The following TRMT11 variants were observed in gnomAD, a reference collection of about 807,000 sequenced individuals.
The protein encoded by TRMT11 is tRNA (guanine(10)-N(2))-methyltransferase TRMT11.
In TRMT11, 53 loss-of-function variants were observed where a neutral mutation model predicts 62.8. The ratio of observed to expected loss-of-function variants is 0.84; its 90% CI spans 0.68 to 1.06. The LOEUF is 1.06. Among genes scored for constraint, TRMT11 ranks in the 50% least tolerant of loss-of-function variants. TRMT11 has a pLI of 0.00. For missense variants in TRMT11, 556 were observed against 553.4 expected, an observed-to-expected ratio of 1.00 and a Z score of -0.05; for synonymous variants, 188 against 190.3, an observed-to-expected ratio of 0.99 and a Z score of 0.10.
chr6:126,053,060 A>T (rs975852215), intron 16 of TRMT11, among the ~76,000 whole-genome samples: 12 of 151,702 alleles, frequency 7.9e-5, no homozygotes, highest in African/African-American at 2.9e-4. Context: ...TTGGAACCTA[A>T]GGCTAGACCT....
Position 126,013,119 on chromosome 6 carries a change from T to C in TRMT11, c.1139+18T>C, listed in dbSNP as rs1236016928. 4 of 1,585,034 alleles carry C rather than the reference T, an allele frequency of 2.5e-6. No individual in the cohort carries two copies. Among genetic ancestry groups the C allele is most frequent in the Non-Finnish European group, 3.4e-6 (4 of 1,169,056 alleles). ...ACGCCAGAGTATGTAATCTTAATTT[T>C]ATTTTTAATTTCATTTTTCTTACAA... On this transcript the variant is annotated intron_variant, in intron 11 of 12. Transcript: ENST00000334379.
downstream of TRMT11, among the ~76,000 whole-genome samples, chr6:126,040,300 T>G (rs1295648283): frequency 2.0e-5 from 3 of 152,150 alleles, no homozygotes; most frequent in Non-Finnish European, 4.4e-5. Context: ...TTGTTATTAC[T>G]ACTAATTGAG....
the TRMT11 span, chr6:126,258,052 T>C: frequency 7.9e-7 from 1 of 1,264,416 alleles, no homozygotes; most frequent in African/African-American, 1.5e-5. Flanking sequence ...GCATCCTCAC[T>C]CTCCATGTCC....
chr6:126,200,623 C>G (rs577853785), intron 3 of TRMT11, among the ~76,000 whole-genome samples: 8 of 152,180 alleles, frequency 5.3e-5, no homozygotes, highest in Non-Finnish European at 1.2e-4. Flanking sequence ...GGCACAATCT[C>G]GGCTCACTGC....
intron 21 of TRMT11, among the ~76,000 whole-genome samples, chr6:126,147,499 A>C (rs1172484180): frequency 1.3e-5 from 2 of 152,350 alleles, no homozygotes; most frequent in South Asian, 4.1e-4. Context: ...CAAATTGCTA[A>C]GGAAAAGCTG....
intron 21 of TRMT11, among the ~76,000 whole-genome samples, chr6:126,118,390 T>TA (rs1160052214): frequency 2.6e-5 from 4 of 152,058 alleles, no homozygotes; most frequent in Non-Finnish European, 5.9e-5. Context: ...ATTCTTTATT[T>TA]AAAAAAATCC....
chr6:126,011,838 G>A (rs1440717718), intron 9 of TRMT11, among the ~76,000 whole-genome samples: 1 of 152,140 alleles, frequency 6.6e-6, no homozygotes, highest in Non-Finnish European at 1.5e-5. Context: ...CTATGTGTAA[G>A]CATTTGTGTT....
intron 17 of TRMT11, among the ~76,000 whole-genome samples, chr6:126,058,853 A>C (rs534625074): frequency 1.3e-5 from 2 of 152,256 alleles, no homozygotes; most frequent in African/African-American, 4.8e-5. Context: ...GGACATATAC[A>C]TCCCCAGTGG....
chr6:126,087,434 C>T (rs995991783), intron 17 of TRMT11, among the ~76,000 whole-genome samples: 2 of 152,258 alleles, frequency 1.3e-5, no homozygotes, highest in East Asian at 3.9e-4. Context: ...AAATGGTAAA[C>T]TAAAGAACAT....
In TRMT11 at chr6:126,011,499, C is replaced by G. The variant is rs553901268; in HGVS notation, c.925+82C>G. 5.4e-5 allele frequency: 66 copies of G among 1,231,670 alleles called. No individual in the cohort carries two copies. The South Asian group carries it at 8.3e-4, about 15-fold the overall frequency. The allele number at this position is 1,231,670 out of a possible 1,614,324, so 76.3% of individuals were successfully genotyped here. A position where few individuals can be genotyped will look rare whatever the true frequency, so the allele number is the denominator to read the frequency against. On this transcript the variant is annotated intron_variant, in intron 9 of 12. Coordinates refer to ENST00000334379, the MANE Select transcript of TRMT11 (RefSeq NM_001031712.3). ...ATTTAAAGTACAAAATTTACCAACA[C>G]ATGCACAAAATGCCAACTTGTCAGT...
intron 17 of TRMT11, among the ~76,000 whole-genome samples, chr6:126,084,096 G>A (rs552585490): frequency 3.1e-4 from 47 of 152,174 alleles, no homozygotes; most frequent in African/African-American, 1.1e-3. Flanking sequence ...TATTTCCTTT[G>A]GCTACATGCC....
chr6:126,010,912 T>C (rs1423720664), intron 8 of TRMT11, among the ~76,000 whole-genome samples: 1 of 152,084 alleles, frequency 6.6e-6, no homozygotes, highest in Non-Finnish European at 1.5e-5. Flanking sequence ...TGATTCATAC[T>C]ATCTCTACAC....
At chr6:126,126,638 T>C (rs1777722350) in intron 21 of TRMT11, among the ~76,000 whole-genome samples, 1 of 152,100 alleles carries the variant, frequency 6.6e-6, no homozygotes, top group Non-Finnish European at 1.5e-5. Context: ...TCCCTGGCAT[T>C]TGGGCTATGG....
chr6:126,054,832 C>G (rs760161226), intron 17 of TRMT11, among the ~76,000 whole-genome samples: 8 of 152,358 alleles, frequency 5.3e-5, no homozygotes, highest in South Asian at 2.1e-4. Flanking sequence ...GGAGCCCACT[C>G]TGCTGTCTTC....
chr6:126,053,727 A>G (rs991321738), intron 17 of TRMT11, among the ~76,000 whole-genome samples: 1 of 152,004 alleles, frequency 6.6e-6, no homozygotes, highest in Non-Finnish European at 1.5e-5. Flanking sequence ...AGCTTCGAGG[A>G]ACAAACTGTC....
the TRMT11 span, among the ~76,000 whole-genome samples, chr6:126,231,652 G>T: frequency 6.6e-6 from 1 of 152,098 alleles, no homozygotes; most frequent in African/African-American, 2.4e-5. Flanking sequence ...AAAGTGTATT[G>T]TTGTAGCCCC....
chr6:126,160,323 G>GA (rs1778174610), intron 21 of TRMT11, among the ~76,000 whole-genome samples: 1 of 152,028 alleles, frequency 6.6e-6, no homozygotes, highest in Non-Finnish European at 1.5e-5. Flanking sequence ...ACTGATACTG[G>GA]AAAAATTTAT....
intron 21 of TRMT11, among the ~76,000 whole-genome samples, chr6:126,154,799 T>A (rs1342756742): frequency 6.6e-6 from 1 of 152,222 alleles, no homozygotes; most frequent in Non-Finnish European, 1.5e-5. Flanking sequence ...CTTGGCCCAG[T>A]GGTGCCTGGG....
At chr6:126,107,281 T>C (rs1777475016) in intron 17 of TRMT11, among the ~76,000 whole-genome samples, 1 of 152,200 alleles carries the variant, frequency 6.6e-6, no homozygotes. Flanking sequence ...TATGTGCAAT[T>C]ATAATACAGC....
Sources: allele counts gnomAD v4.1 joint callset (sites outside exome capture counted in the v4.1 genomes callset), GRCh38; gene constraint gnomAD v4.1.1; transcripts MANE v1.5; gene names NCBI Gene and HGNC (gene_info 2026-07-23, HGNC 2026-07-21).